The following TLR2 variants were observed in gnomAD, a reference collection of about 807,000 sequenced individuals.
TLR2 encodes the protein toll-like receptor 2.
TLR2 carries 7 observed loss-of-function variants against 9.1 expected under a neutral mutation model. The ratio of observed to expected loss-of-function variants is 0.77; its 90% CI spans 0.44 to 1.44. The LOEUF is 1.44. TLR2 is among the 40% of genes most tolerant of loss of function. TLR2 has a pLI of 0.01. For missense variants in TLR2, 812 were observed against 904.6 expected (o/e 0.90, Z 1.31); for synonymous variants, 317 against 344.6 (o/e 0.92, Z 0.89).
At chr4:153,691,956 G>C (rs1368395863) in intron 2 of TLR2, among the ~76,000 whole-genome samples, 2 of 152,076 alleles carry the variant, frequency 1.3e-5, no homozygotes, top group African/African-American at 4.8e-5. Flanking sequence ...TTGAGTGGGG[G>C]CAGCACAAAG....
At chr4:153,708,972 A>G (rs779794101), downstream of TLR2, among the ~76,000 whole-genome samples, 1 of 152,178 alleles carries the variant, frequency 6.6e-6, no homozygotes, top group Non-Finnish European at 1.5e-5. Context: ...AAGCTTTTGC[A>G]TTCAGCTGTA....
rs374122287 is a variant in TLR2 at position 153,704,247 on chromosome 4, G to T, written c.1340G>T (p.Arg447Leu). 1 of 1,614,142 alleles carries T rather than the reference G, an allele frequency of 6.2e-7. No individual in the cohort carries two copies. Among genetic ancestry groups the T allele is most frequent in the South Asian group, 1.1e-5 (1 of 91,084 alleles). ...AAATATTTGAACTTATCCAGCACAC[G>T]AATACACAGTGTAACAGGCTGCATT... Reference protein sequence around the residue: ...KMKYLNLSSTRIHSVTGCIPK... With the variant: ...KMKYLNLSSTLIHSVTGCIPK... The change falls in exon 3 of 3, where the codon CGA becomes CTA. Residue 447 changes from arginine (R) to leucine (L), a missense_variant. Transcript: ENST00000642700.
chr4:153,687,373 T>C (rs985649523), intron 1 of TLR2, among the ~76,000 whole-genome samples: 2 of 152,166 alleles, frequency 1.3e-5, no homozygotes, highest in African/African-American at 2.4e-5. Context: ...AAGTCAGAAG[T>C]TGATTTTTTG....
rs763015502 is a variant in TLR2, at chr4:153,704,726, G to T, written c.1819G>T (p.Val607Phe). 19 of 1,613,958 alleles carry T rather than the reference G, an allele frequency of 1.2e-5. 1 individual carries two copies. The South Asian group carries it at 2.0e-4, about 17-fold the overall frequency. Residue 607 changes from valine (V) to phenylalanine (F), a missense_variant, in exon 3 of 3, where the codon GTC becomes TTC. Val to Phe is a conservative substitution (Grantham distance 50). Transcript: ENST00000642700. ...GTTCCTGCTGATCCTGCTCACGGGG[G>T]TCCTGTGCCACCGTTTCCATGGCCT... The part of the protein sequence containing the change: ...ALFLLILLTG[V>F]LCHRFHGLWY...
intron 2 of TLR2, among the ~76,000 whole-genome samples, chr4:153,698,732 AT>A (rs1328439998): frequency 6.6e-6 from 1 of 152,210 alleles, no homozygotes; most frequent in Non-Finnish European, 1.5e-5. Context: ...TTACAGATGG[AT>A]TGCATTCAGT....
At chr4:153,690,980 A>T (rs906869954) in intron 2 of TLR2, among the ~76,000 whole-genome samples, 1 of 152,242 alleles carries the variant, frequency 6.6e-6, no homozygotes, top group Non-Finnish European at 1.5e-5. Flanking sequence ...AGCATTTTCA[A>T]TTAATTGTAT....
At chr4:153,684,644 G>GA (rs1386165383) in intron 1 of TLR2, among the ~76,000 whole-genome samples, 4 of 152,218 alleles carry the variant, frequency 2.6e-5, no homozygotes, top group Middle Eastern at 3.2e-3. Flanking sequence ...CACGGAAAGG[G>GA]AGCCCGAGGG....
At chr4:153,687,436 A>G (rs1298727657) in intron 1 of TLR2, among the ~76,000 whole-genome samples, 2 of 152,204 alleles carry the variant, frequency 1.3e-5, no homozygotes, top group Admixed American at 1.3e-4. Flanking sequence ...AGCTGGTACA[A>G]ATAACTCATC....
rs748086774 is a variant in TLR2 at position 153,702,929 on chromosome 4, G to A, written c.22G>A (p.Val8Met). The A allele has an allele frequency of 7.4e-6, 12 of 1,612,580 alleles. No homozygotes were observed. The highest frequency in any genetic ancestry group is 1.0e-5 in the Non-Finnish European group (12 of 1,179,280). MPHTLWM[V>M]WVLGVIISLS... ...GACAATGCCACATACTTTGTGGATG[G>A]TGTGGGTCTTGGGGGTCATCATCAG... The change falls in exon 3 of 3, where the codon GTG becomes ATG. Residue 8 changes from valine to methionine, a missense_variant. Coordinates refer to ENST00000642700, the MANE Select transcript of TLR2 (RefSeq NM_001318789.2).
chr4:153,710,567 T>C (rs1050201217), downstream of TLR2: 9 of 1,349,194 alleles, frequency 6.7e-6, no homozygotes, highest in African/African-American at 1.3e-4. Context: ...GCAAATATAA[T>C]AAACAATGTA....
chr4:153,690,568 A>G (rs1379340408), intron 2 of TLR2, among the ~76,000 whole-genome samples: 1 of 152,260 alleles, frequency 6.6e-6, no homozygotes, highest in Non-Finnish European at 1.5e-5. Context: ...ACATACATGT[A>G]CATAAGCTAG....
At chr4:153,701,501 A>G (rs1426185224) in intron 2 of TLR2, 2 of 152,218 alleles carry the variant, frequency 1.3e-5, no homozygotes, top group African/African-American at 4.8e-5. Flanking sequence ...TTGTTACAGA[A>G]GCACTAATGG....
intron 2 of TLR2, among the ~76,000 whole-genome samples, chr4:153,688,913 G>T (rs964014430): frequency 6.6e-6 from 1 of 152,196 alleles, no homozygotes; most frequent in African/African-American, 2.4e-5. Flanking sequence ...TAAAAGCAAA[G>T]GCAGCTTTGT....
At chr4:153,698,125 C>A (rs1240648743) in intron 2 of TLR2, among the ~76,000 whole-genome samples, 1 of 152,044 alleles carries the variant, frequency 6.6e-6, no homozygotes, top group Non-Finnish European at 1.5e-5. Context: ...TTAAAAGATT[C>A]GTGGAAAGGA....
At chr4:153,686,263 A>G (rs745855286) in intron 1 of TLR2, among the ~76,000 whole-genome samples, 4 of 152,166 alleles carry the variant, frequency 2.6e-5, no homozygotes, top group Admixed American at 1.3e-4. Context: ...CCACCTCTCA[A>G]CACTGTTGCA....
chr4:153,689,905 T>C (rs1735985950), intron 2 of TLR2, among the ~76,000 whole-genome samples: 1 of 152,190 alleles, frequency 6.6e-6, no homozygotes, highest in African/African-American at 2.4e-5. Context: ...TGGTTGTTGC[T>C]CGTGATAGTT....
At chr4:153,702,759 TCTTTGTG>T (rs2127060768) in intron 2 of TLR2, 126 bp from the exon 3 acceptor site, 8 of 570,680 alleles carry the variant, frequency 1.4e-5, no homozygotes, top group South Asian at 5.2e-5. Context: ...TCTCTCTCTC[TCTTTGTG>T]TGTGTGTGTG....
chr4:153,702,603 C>A (rs1736969081), intron 2 of TLR2: 2 of 287,706 alleles, frequency 7.0e-6, no homozygotes, highest in South Asian at 1.1e-4. Flanking sequence ...CTCTTCCAAT[C>A]CATGTTATTG....
chr4:153,707,697 A>T (rs1737377521), downstream of TLR2, among the ~76,000 whole-genome samples: 1 of 152,210 alleles, frequency 6.6e-6, no homozygotes, highest in Non-Finnish European at 1.5e-5. Flanking sequence ...TTTAACATTG[A>T]CTCGATCTAT....
Sources: allele counts gnomAD v4.1 joint callset (sites outside exome capture counted in the v4.1 genomes callset), GRCh38; gene constraint gnomAD v4.1.1; transcripts MANE v1.5; gene names NCBI Gene and HGNC (gene_info 2026-07-23, HGNC 2026-07-21).